MYOM1: variants seen among roughly 807,000 people sequenced by gnomAD.
MYOM1 encodes myomesin 1, also known as myomesin-1.
A neutral mutation model predicts 205.3 loss-of-function variants in MYOM1; 164 were observed. The observed-to-expected ratio is 0.80, with a 90% CI of 0.70 to 0.91. The LOEUF (loss-of-function observed/expected upper bound fraction) is 0.91, where lower values mean the gene tolerates loss of function less well. MYOM1 is among the 40% of genes least tolerant of loss of function. The pLI, the probability that MYOM1 is intolerant of heterozygous loss-of-function variation, is 0.00. For missense variants in MYOM1, 2,011 were observed against 2,127.3 expected, an observed-to-expected ratio of 0.95 and a Z score of 1.08; for synonymous variants, 772 against 789.4, an observed-to-expected ratio of 0.98 and a Z score of 0.37.
chr18:3,140,409 A>C (rs9961167), intron 14 of MYOM1, among the ~76,000 whole-genome samples: 184 of 152,296 alleles, frequency 1.2e-3, no homozygotes, highest in African/African-American at 4.2e-3. Flanking sequence ...TGTCTCAAAA[A>C]AAAAAAAAGG....
At chr18:3,123,827 A>ATTTT (rs5822739) in intron 19 of MYOM1, among the ~76,000 whole-genome samples, 1 of 147,376 alleles carries the variant, frequency 6.8e-6, no homozygotes. Context: ...ATTTTTATTT[A>ATTTT]TTTATTTTTT....
chr18:3,125,345 A>G (rs1007319469), intron 19 of MYOM1, among the ~76,000 whole-genome samples: 1 of 152,250 alleles, frequency 6.6e-6, no homozygotes, highest in Non-Finnish European at 1.5e-5. Context: ...CCAAATAGCA[A>G]TAAGAATTGA....
chr18:3,066,914 G>A lies in MYOM1; in HGVS notation c.*348C>T. The A allele has an allele frequency of 3.9e-6, 1 of 253,626 alleles. No individual in the cohort carries two copies. The highest frequency in any genetic ancestry group is 7.8e-6 in the Non-Finnish European group (1 of 127,966). 15.7% of individuals were successfully genotyped at this position (253,626 alleles called of 1,614,324 possible). A position where few individuals can be genotyped will look rare whatever the true frequency, so the allele number is the denominator to read the frequency against. ...ACCTCTGTAACAACACACGAGACAC[G>A]GCCATGGCTTCACAGCTGCAGCAAA... On this transcript the variant is annotated 3_prime_UTR_variant, in exon 38 of 38. Transcript: ENST00000356443.
At chr18:3,164,589 T>G in intron 9 of MYOM1, 150 bp from the exon 10 acceptor site, 1 of 745,788 alleles carries the variant, frequency 1.3e-6, no homozygotes, top group Non-Finnish European at 2.1e-6. Context: ...CATCCTGATA[T>G]GTTTACATTG....
chr18:3,214,599 G>A (rs2081233160), intron 2 of MYOM1, among the ~76,000 whole-genome samples: 1 of 152,132 alleles, frequency 6.6e-6, no homozygotes, highest in Non-Finnish European at 1.5e-5. Flanking sequence ...CCAGGCGGGT[G>A]GAACACCTGA....
intron 29 of MYOM1, among the ~76,000 whole-genome samples, chr18:3,087,319 CTT>C (rs5822733): frequency 2.9e-4 from 42 of 143,980 alleles, no homozygotes; most frequent in Admixed American, 2.1e-4. Context: ...TTTTTTTGGG[CTT>C]TTTTTTTTTT....
chr18:3,154,953 A>G lies in MYOM1; in HGVS notation c.1637T>C (p.Ile546Thr), dbSNP rs769280547. 1.1e-5 allele frequency: 18 copies of G among 1,610,944 alleles called. No individual in the cohort carries two copies. Among genetic ancestry groups the G allele is most frequent in the Non-Finnish European group, 1.4e-5 (16 of 1,178,450 alleles). ...TGTTAGCCTAAGCACTAACTTATCA[A>G]TAAAATATCCGAGAATAGGACTCCC... is the stretch of plus-strand genomic sequence containing the variant. Reference protein sequence around the residue: ...DGGSPILGYFIDKCEVGTDSW... With the variant: ...DGGSPILGYFTDKCEVGTDSW... The change falls in exon 11 of 38, where the codon ATT becomes ACT. Residue 546 changes from isoleucine to threonine, a missense_variant. Ile to Thr is a moderately conservative substitution (Grantham distance 89). Coordinates refer to ENST00000356443, the MANE Select transcript of MYOM1 (RefSeq NM_003803.4).
chr18:3,120,658 T>G (rs1226993092), intron 19 of MYOM1, among the ~76,000 whole-genome samples: 2 of 152,192 alleles, frequency 1.3e-5, no homozygotes, highest in African/African-American at 4.8e-5. Flanking sequence ...TGCATTGTTT[T>G]CAGCCACCGA....
At chr18:3,177,190 G>A (rs934876068) in intron 5 of MYOM1, among the ~76,000 whole-genome samples, 2 of 152,068 alleles carry the variant, frequency 1.3e-5, no homozygotes, top group African/African-American at 4.8e-5. Context: ...AGTGAGCTAT[G>A]ATCGCACCAC....
In MYOM1 at chr18:3,126,908, A is replaced by C. The variant is rs989274048; in HGVS notation, c.2795-11T>G. On this transcript the variant is annotated splice_polypyrimidine_tract_variant and intron_variant, in intron 18 of 37. Coordinates refer to ENST00000356443, the MANE Select transcript of MYOM1 (RefSeq NM_003803.4). ...GTGGAGATGGTGGTGCTGTAGCAAT[A>C]TGAATAGCTTGTGAGTAGGCAGAAA... 2 of 1,600,422 alleles carry C rather than the reference A, an allele frequency of 1.2e-6. No individual in the cohort carries two copies. Among genetic ancestry groups the C allele is most frequent in the Non-Finnish European group, 1.7e-6 (2 of 1,172,850 alleles).
chr18:3,194,294 C>T (rs1200704371), intron 2 of MYOM1, among the ~76,000 whole-genome samples: 1 of 152,110 alleles, frequency 6.6e-6, no homozygotes, highest in African/African-American at 2.4e-5. Context: ...TTTAGGCAGT[C>T]TATATAAATG....
intron 2 of MYOM1, among the ~76,000 whole-genome samples, chr18:3,196,597 T>TTG (rs947381630): frequency 2.0e-5 from 3 of 152,152 alleles, no homozygotes; most frequent in African/African-American, 7.2e-5. Flanking sequence ...CAAGGGTTAA[T>TTG]TGTGTGTGTG....
chr18:3,163,762 T>C (rs2080429126), intron 10 of MYOM1, among the ~76,000 whole-genome samples: 3 of 152,108 alleles, frequency 2.0e-5, no homozygotes, highest in African/African-American at 7.2e-5. Context: ...GTCTATTTTA[T>C]TGGAAACGAA....
rs143776822 is a variant in MYOM1, at chr18:3,134,139, C to A, written c.2384+511G>T. ...GGCTCAAGCAATCCGCCCACCTTGGCCTCCCAAAGTGTTGAGATTACAGGC... is the reference window on the plus strand; with the variant it reads ...GGCTCAAGCAATCCGCCCACCTTGGACTCCCAAAGTGTTGAGATTACAGGC... On this transcript the variant is annotated intron_variant, in intron 16 of 37. Coordinates refer to ENST00000356443, the MANE Select transcript of MYOM1 (RefSeq NM_003803.4). 2.7e-3 allele frequency among the ~76,000 whole-genome samples: 410 copies of A among 152,260 alleles called. 2 individuals carry two copies. The highest frequency in any genetic ancestry group is 9.5e-3 in the African/African-American group (393 of 41,542).
intron 24 of MYOM1, 48 bp downstream of exon 24, chr18:3,100,272 G>A (rs1598669253): frequency 6.2e-7 from 1 of 1,612,368 alleles, no homozygotes; most frequent in Non-Finnish European, 8.5e-7. Context: ...GAATAACTGA[G>A]AATTCAAAGC....
chr18:3,118,168 G>A (rs772492059), intron 20 of MYOM1, among the ~76,000 whole-genome samples: 1 of 152,160 alleles, frequency 6.6e-6, no homozygotes, highest in Non-Finnish European at 1.5e-5. Flanking sequence ...AAAACAGGAT[G>A]ACAAAACATT....
At chr18:3,089,958 A>G (rs1287183283) in intron 27 of MYOM1, among the ~76,000 whole-genome samples, 6 of 152,190 alleles carry the variant, frequency 3.9e-5, no homozygotes, top group Admixed American at 1.3e-4. Context: ...CTACTTTTGC[A>G]TATTTTTCTT....
At position 3,219,550 on chromosome 18, in the gene MYOM1, C is replaced by T. The variant is rs1050954788; in HGVS notation, c.-29+253G>A. On this transcript the variant is annotated intron_variant, in intron 1 of 37. Transcript: ENST00000356443. The surrounding 1 kb of genome is among the most constrained non-coding windows in gnomAD (Gnocchi z 4.4). ...GTTCAATCCGAGGCAGATATGACCT[C>T]CTTACAGTTCCAGGAACAGCAGCTT... 6.6e-6 allele frequency among the ~76,000 whole-genome samples: 1 copy of T among 152,138 alleles called. No individual in the cohort carries two copies. The highest frequency in any genetic ancestry group is 2.4e-5 in the African/African-American group (1 of 41,412).
intron 16 of MYOM1, 88 bp from the exon 17 acceptor site, chr18:3,131,584 T>A: frequency 8.6e-7 from 1 of 1,164,062 alleles, no homozygotes; most frequent in Non-Finnish European, 1.2e-6. Context: ...TCTGGCTTTA[T>A]GAAAACAATT....
Sources: gnomAD v4.1 joint callset for allele counts (sites outside exome capture counted in the v4.1 genomes callset) on GRCh38, gnomAD v4.1.1 for gene constraint, Gnocchi (gnomAD v3.1) non-coding constraint, MANE v1.5 for transcripts, NCBI Gene and HGNC (gene_info 2026-07-23, HGNC 2026-07-21) for gene names.